The following CPT1A variants were observed in gnomAD, a reference collection of about 807,000 sequenced individuals.
The protein encoded by CPT1A is carnitine O-palmitoyltransferase 1, liver isoform.
Under a neutral mutation model 100.8 loss-of-function variants are expected in CPT1A, and 64 were observed. The observed-to-expected ratio is 0.63, with a 90% CI of 0.52 to 0.78. The LOEUF (loss-of-function observed/expected upper bound fraction) is 0.78, where lower values mean the gene tolerates loss of function less well. CPT1A is among the 30% of genes least tolerant of loss of function. The probability of loss-of-function intolerance (pLI) is 0.00; values close to 1 mark genes in which losing one functional copy is unlikely to be tolerated. For synonymous variants in CPT1A, 363 were observed against 396.0 expected, an observed-to-expected ratio of 0.92 and a Z score of 0.99; for missense variants, 802 against 1,034.1, an observed-to-expected ratio of 0.78 and a Z score of 3.08.
At chr11:68,827,670 C>G (rs1197497413) in intron 1 of CPT1A, among the ~76,000 whole-genome samples, 1 of 152,110 alleles carries the variant, frequency 6.6e-6, no homozygotes, top group East Asian at 1.9e-4. Flanking sequence ...GTGCCCAGCC[C>G]TGCAAAAATT....
At position 68,812,361 on chromosome 11, in the gene CPT1A, A is replaced by C. The variant is rs1000869367; in HGVS notation, c.281+76T>G. The C allele has an allele frequency of 5.8e-6, 9 of 1,556,870 alleles. No homozygotes were observed. In the African/African-American group the frequency reaches 8.1e-5, roughly 14 times the overall value. ...GGAATCCAGAACAGTGACAATCATC[A>C]CATTTGAAGAGACATAAAAACAGCA... On this transcript the variant is annotated intron_variant, in intron 3 of 18. Transcript: ENST00000265641.
In CPT1A at chr11:68,761,686, A is replaced by C; in HGVS notation, c.1877T>G (p.Val626Gly). ...CTTGAACAACTTCAGCCTCTGTTCCACCTGAGTGACAAAAGGTGGGAAGGA... is the reference window on the plus strand; with the variant it reads ...CTTGAACAACTTCAGCCTCTGTTCCCCCTGAGTGACAAAAGGTGGGAAGGA... ...VRAMVDPAQT[V>G]EQRLKLFKLA... Residue 626 changes from valine to glycine, a missense_variant and splice_region_variant, in exon 16 of 19, where the codon GTG (valine) becomes GGG (glycine). Around this residue, in one of 4 missense-constraint regions of CPT1A, gnomAD observed 627 missense variants for 799.3 expected, o/e 0.78. Coordinates refer to ENST00000265641, the MANE Select transcript of CPT1A (RefSeq NM_001876.4). 6.2e-7 allele frequency: 1 copy of C among 1,614,154 alleles called. No homozygotes were observed. Among genetic ancestry groups the C allele is most frequent in the Non-Finnish European group, 8.5e-7 (1 of 1,180,014 alleles).
rs781526480 is a variant in CPT1A at position 68,812,623 on chromosome 11, C to T, written c.142-47G>A. 3 of 1,612,316 alleles carry T rather than the reference C, an allele frequency of 1.9e-6. No homozygotes were observed. The Admixed American group carries it at 5.0e-5, about 27-fold the overall frequency. ...GTGAGCGGTGTCCTCCCACAACCCACAGGGCAATGACGCTTCATGGCCCCT... is the reference window on the plus strand; with the variant it reads ...GTGAGCGGTGTCCTCCCACAACCCATAGGGCAATGACGCTTCATGGCCCCT... On this transcript the variant is annotated intron_variant, in intron 2 of 18. Coordinates refer to ENST00000265641, the MANE Select transcript of CPT1A (RefSeq NM_001876.4).
chr11:68,782,075 C>T (rs1261102582), intron 10 of CPT1A, 116 bp from the exon 11 acceptor site: 1 of 1,009,108 alleles, frequency 9.9e-7, no homozygotes, highest in East Asian at 2.6e-5. Flanking sequence ...AAGGAAAACT[C>T]CATGTTGATG....
Position 68,829,678 on chromosome 11 carries a change from GC to G in CPT1A, c.-14+12096del, listed in dbSNP as rs1566388761. Among the ~76,000 whole-genome samples the G allele has an allele frequency of 2.0e-5, 3 of 152,206 alleles. No homozygotes were observed. The South Asian group carries it at 6.2e-4, about 32-fold the overall frequency. On this transcript the variant is annotated intron_variant, in intron 1 of 18. Transcript: ENST00000265641. The stretch of plus-strand genomic sequence containing the variant: ...GCCCTCGGACGGGAATCCCGAACTA[GC>G]CCTGGGAATGGACTCGTGGAGGAGG...
Position 68,841,810 on chromosome 11 carries a change from A to AGCGGCGGCG in CPT1A, c.-58_-50dup, listed in dbSNP as rs891856679. ...ACGGAGGTGCGGCAGCGGCAGCGGC[A>AGCGGCGGCG]GCGGCGGCGGCGGCGGCGGCGGTGG... On this transcript the variant is annotated 5_prime_UTR_variant, in exon 1 of 19. Coordinates refer to ENST00000265641, the MANE Select transcript of CPT1A (RefSeq NM_001876.4). The surrounding 1 kb of genome is among the most constrained non-coding windows in gnomAD (Gnocchi z 6.3). The AGCGGCGGCG allele has an allele frequency of 3.4e-5, 34 of 993,566 alleles. 1 individual carries two copies. The Admixed American group carries it at 3.7e-4, about 11-fold the overall frequency. 61.5% of individuals were successfully genotyped at this position (993,566 alleles called of 1,614,324 possible).
At chr11:68,754,631 A>T, downstream of CPT1A, 1 of 599,882 alleles carries the variant, frequency 1.7e-6, no homozygotes, top group Non-Finnish European at 3.0e-6. Flanking sequence ...TACTTTTAAC[A>T]TATTTATTGA....
In CPT1A at chr11:68,756,895, C is replaced by CA. The variant is rs1946704151; in HGVS notation, c.*748dup. The CA allele has an allele frequency of 6.6e-6, 1 of 152,354 alleles. No individual in the cohort carries two copies. The highest frequency in any genetic ancestry group is 1.5e-5 in the Non-Finnish European group (1 of 68,164). 9.4% of individuals were successfully genotyped at this position (152,354 alleles called of 1,614,324 possible). Reference sequence around the variant, plus strand: ...ATGCTTATGTACGGTTATCCATACTCAGTCAATTGTGAAGGGAACAGTATA... The same window carrying CA: ...ATGCTTATGTACGGTTATCCATACTCAAGTCAATTGTGAAGGGAACAGTATA... On this transcript the variant is annotated 3_prime_UTR_variant, in exon 19 of 19. Transcript: ENST00000265641.
At chr11:68,766,238 A>G (rs984044473) in intron 14 of CPT1A, among the ~76,000 whole-genome samples, 1 of 151,764 alleles carries the variant, frequency 6.6e-6, no homozygotes, top group African/African-American at 2.4e-5. Flanking sequence ...ATTGTGTATA[A>G]CCTTGAAGGA....
At chr11:68,842,000 G>T, upstream of CPT1A, 1 of 980,696 alleles carries the variant, frequency 1.0e-6, no homozygotes, top group South Asian at 4.6e-5. This position sits in a 1 kb window ranked among gnomAD's most constrained non-coding sequence, Gnocchi z 6.3. Context: ...GGCGGGGCGG[G>T]GCGTCCGCGG....
At chr11:68,815,723 G>C (rs913317626) in intron 1 of CPT1A, among the ~76,000 whole-genome samples, 1 of 152,124 alleles carries the variant, frequency 6.6e-6, no homozygotes, top group Non-Finnish European at 1.5e-5. Flanking sequence ...TCAGGAGTCA[G>C]GCCCGTGGTA....
At chr11:68,769,312 C>T (rs1272011354) in intron 14 of CPT1A, among the ~76,000 whole-genome samples, 1 of 152,180 alleles carries the variant, frequency 6.6e-6, no homozygotes, top group African/African-American at 2.4e-5. Context: ...TCACGGCTCA[C>T]TGCAGCCTCC....
At chr11:68,820,299 C>G (rs1354382585) in intron 1 of CPT1A, among the ~76,000 whole-genome samples, 1 of 151,928 alleles carries the variant, frequency 6.6e-6, no homozygotes, top group African/African-American at 2.4e-5. Flanking sequence ...CCCAAAGTAC[C>G]GGGATTACAG....
intron 14 of CPT1A, among the ~76,000 whole-genome samples, 162 bp downstream of exon 14, chr11:68,773,103 A>G (rs902727919): frequency 1.3e-5 from 2 of 152,140 alleles, no homozygotes; most frequent in African/African-American, 4.8e-5. Context: ...GTGCGTGGTG[A>G]AACACCCAAC....
intron 14 of CPT1A, among the ~76,000 whole-genome samples, chr11:68,764,173 C>T (rs973615130): frequency 3.9e-5 from 6 of 152,148 alleles, no homozygotes; most frequent in South Asian, 2.1e-4. Context: ...AGGCAGCACG[C>T]GGCTGTGGGA....
At chr11:68,809,032 A>T (rs1372385370) in intron 3 of CPT1A, among the ~76,000 whole-genome samples, 2 of 151,560 alleles carry the variant, frequency 1.3e-5, no homozygotes, top group Admixed American at 1.3e-4. Context: ...TAAGAAATAA[A>T]AAAAGAAAAC....
rs2153996781 is a variant in CPT1A at position 68,773,328 on chromosome 11, G to A, written c.1677C>T (p.Ile559=). Residue 559 remains isoleucine, a synonymous_variant, in exon 14 of 19, where the codon ATC becomes ATT. Coordinates refer to ENST00000265641, the MANE Select transcript of CPT1A (RefSeq NM_001876.4). ...FPFVAFGKGI[I]KKCRTSPDAF... ...CGTCTGGGCTCGTGCGACATTTCTT[G>A]ATGATTCCTTTACCAAAGGCTACGA... 1 of 1,614,208 alleles carries A rather than the reference G, an allele frequency of 6.2e-7. No homozygotes were observed. The highest frequency in any genetic ancestry group is 8.5e-7 in the Non-Finnish European group (1 of 1,180,044).
rs150102435 is a variant in CPT1A, at chr11:68,757,106, C to T, written c.*538G>A. On this transcript the variant is annotated 3_prime_UTR_variant, in exon 19 of 19. Coordinates refer to ENST00000265641, the MANE Select transcript of CPT1A (RefSeq NM_001876.4). ...GGCAAACACAGGCTACTGGACCAGA[C>T]GGGAACGGTTACCCACGGTGACAAA... is the stretch of plus-strand genomic sequence containing the variant. 33 of 179,620 alleles carry T rather than the reference C, an allele frequency of 1.8e-4. No homozygotes were observed. Among genetic ancestry groups the T allele is most frequent in the East Asian group, 1.5e-3 (10 of 6,516 alleles). 11.1% of individuals were successfully genotyped at this position (179,620 alleles called of 1,614,324 possible).
chr11:68,765,365 A>G (rs1854764316), intron 14 of CPT1A, among the ~76,000 whole-genome samples: 1 of 152,208 alleles, frequency 6.6e-6, no homozygotes, highest in Admixed American at 6.5e-5. Context: ...ATTGAATATT[A>G]GTGTGCAAGC....
Sources: allele counts gnomAD v4.1 joint callset (sites outside exome capture counted in the v4.1 genomes callset), GRCh38; gene constraint gnomAD v4.1.1; regional missense constraint gnomAD v4.1.1; non-coding constraint Gnocchi (gnomAD v3.1); transcripts MANE v1.5; gene names NCBI Gene and HGNC (gene_info 2026-07-23, HGNC 2026-07-21).